The following NIM1K variants were observed in gnomAD, a reference collection of about 807,000 sequenced individuals.
NIM1K encodes serine/threonine-protein kinase NIM1.
In NIM1K, 35 loss-of-function variants were observed where a neutral mutation model predicts 37.1. That is an observed-to-expected ratio of 0.94 (90% CI 0.72 to 1.25). The LOEUF (loss-of-function observed/expected upper bound fraction) is 1.25. Among genes scored for constraint, NIM1K ranks in the 50% most tolerant of loss-of-function variants. The pLI is 0.00. For synonymous variants in NIM1K, 234 were observed against 206.6 expected (o/e 1.13, Z -1.14); for missense variants, 564 against 548.0 (o/e 1.03, Z -0.29).
In NIM1K at chr5:43,210,297, G is replaced by C. The variant is rs185640535; in HGVS notation, c.-695+17886G>C. On this transcript the variant is annotated intron_variant, in intron 1 of 3. Coordinates refer to ENST00000326035, the MANE Select transcript of NIM1K (RefSeq NM_153361.4). ...AGAAAAGGAATAAAATTAATCTCTT[G>C]TAAAACAAGAATTTAAAACAAATTT... is the stretch of plus-strand genomic sequence containing the variant. 3.4e-3 allele frequency among the ~76,000 whole-genome samples: 524 copies of C among 152,274 alleles called. 7 individuals are homozygous for C. The highest frequency in any genetic ancestry group is 0.012 in the African/African-American group (495 of 41,558).
Position 43,238,039 on chromosome 5 carries a change from A to ATTT in NIM1K, c.-694-7024_-694-7022dup, listed in dbSNP as rs71608701. 3.6e-3 allele frequency among the ~76,000 whole-genome samples: 430 copies of ATTT among 120,624 alleles called. 5 individuals carry two copies. The highest frequency in any genetic ancestry group is 9.8e-3 in the Middle Eastern group (2 of 204). 79.1% of individuals were successfully genotyped at this position (120,624 alleles called of 152,430 possible). A position where few individuals can be genotyped will look rare whatever the true frequency, so the allele number is the denominator to read the frequency against. On this transcript the variant is annotated intron_variant, in intron 1 of 3. Coordinates refer to ENST00000326035, the MANE Select transcript of NIM1K (RefSeq NM_153361.4). ...TTTTCTTTCACAATTCTTCAATTTA[A>ATTT]TTTTTTTTTTTTTTTTTTTTTGAGA...
chr5:43,208,915 G>A (rs78363585), intron 1 of NIM1K, among the ~76,000 whole-genome samples: 3,503 of 152,274 alleles, frequency 0.023, 140 homozygotes, highest in East Asian at 0.16. Flanking sequence ...CTAGGGAAGT[G>A]TAAACATAAA....
intron 1 of NIM1K, among the ~76,000 whole-genome samples, chr5:43,222,080 T>A (rs1752388205): frequency 6.6e-6 from 1 of 152,218 alleles, no homozygotes; most frequent in Non-Finnish European, 1.5e-5. Flanking sequence ...GCTCACTCAG[T>A]GTCTATTATG....
intron 1 of NIM1K, among the ~76,000 whole-genome samples, chr5:43,218,752 T>C (rs1668501087): frequency 6.6e-6 from 1 of 150,390 alleles, no homozygotes; most frequent in Non-Finnish European, 1.5e-5. Context: ...AGTCTCATTC[T>C]GTCTCCCAGG....
intron 1 of NIM1K, among the ~76,000 whole-genome samples, chr5:43,205,902 C>T (rs1245624898): frequency 2.0e-5 from 3 of 151,894 alleles, no homozygotes; most frequent in South Asian, 2.1e-4. Context: ...TTAGTAGAGA[C>T]GGGGTTTTAC....
chr5:43,212,669 C>T (rs1752221427), intron 1 of NIM1K, among the ~76,000 whole-genome samples: 1 of 152,078 alleles, frequency 6.6e-6, no homozygotes, highest in Non-Finnish European at 1.5e-5. Context: ...GGCTCAGTGA[C>T]AAAAGCAGAA....
chr5:43,273,051 C>A (rs183644756), intron 2 of NIM1K, among the ~76,000 whole-genome samples: 1 of 152,218 alleles, frequency 6.6e-6, no homozygotes, highest in East Asian at 1.9e-4. Context: ...AAAGGGCATG[C>A]TGGCCTCTCC....
chr5:43,243,065 G>GAACACTT (rs1752728064), intron 1 of NIM1K: 1 of 152,272 alleles, frequency 6.6e-6, no homozygotes, highest in African/African-American at 2.4e-5. Context: ...GCCTCCCAAA[G>GAACACTT]TGTTGGGATT....
intron 1 of NIM1K, among the ~76,000 whole-genome samples, chr5:43,227,686 A>G (rs1026534951): frequency 2.0e-5 from 3 of 152,196 alleles, no homozygotes; most frequent in Non-Finnish European, 4.4e-5. Flanking sequence ...AGGGTTTATT[A>G]TGAGTTTTTA....
intron 1 of NIM1K, chr5:43,232,005 C>T: frequency 9.6e-7 from 1 of 1,038,072 alleles, no homozygotes; most frequent in Non-Finnish European, 1.4e-6. Context: ...CCAGGTGAGC[C>T]CAGGCCTCAG....
chr5:43,259,942 A>T (rs1753003037), intron 2 of NIM1K, among the ~76,000 whole-genome samples: 1 of 152,052 alleles, frequency 6.6e-6, no homozygotes, highest in African/African-American at 2.4e-5. Flanking sequence ...CTTTAATCAT[A>T]TTGAGTTGAT....
chr5:43,234,211 C>G (rs955274605), intron 1 of NIM1K, among the ~76,000 whole-genome samples: 1 of 151,832 alleles, frequency 6.6e-6, no homozygotes, highest in Non-Finnish European at 1.5e-5. Flanking sequence ...GACAATACCT[C>G]ACTTTACAGA....
At chr5:43,255,686 T>A (rs1434891928) in intron 2 of NIM1K, among the ~76,000 whole-genome samples, 8 of 142,200 alleles carry the variant, frequency 5.6e-5, no homozygotes, top group South Asian at 2.2e-4. Flanking sequence ...GAGGGGGAGG[T>A]GGCAGTGAGC....
chr5:43,280,186 C>A lies in NIM1K; in HGVS notation c.768C>A (p.Ala256=). The A allele has an allele frequency of 1.9e-6, 3 of 1,614,122 alleles. No individual in the cohort carries two copies. Among genetic ancestry groups the A allele is most frequent in the Non-Finnish European group, 2.5e-6 (3 of 1,180,014 alleles). Residue 256 remains alanine, a synonymous_variant, in exon 4 of 4, where the codon GCC becomes GCA. Coordinates refer to ENST00000326035, the MANE Select transcript of NIM1K (RefSeq NM_153361.4). ...HYIGIYVDIW[A]LGVLLYFMVT... ...TCGGCATTTACGTGGATATCTGGGC[C>A]TTGGGGGTGCTTTTGTACTTCATGG...
intron 1 of NIM1K, among the ~76,000 whole-genome samples, chr5:43,214,822 A>AC (rs1306650461): frequency 1.4e-5 from 2 of 146,508 alleles, no homozygotes; most frequent in African/African-American, 5.0e-5. Context: ...TCAAAAAAAA[A>AC]AAAAAAAAAC....
chr5:43,206,530 G>C (rs1000184335), intron 1 of NIM1K, among the ~76,000 whole-genome samples: 3 of 151,772 alleles, frequency 2.0e-5, no homozygotes, highest in Non-Finnish European at 4.4e-5. Context: ...AATAGGTTGG[G>C]GGAGAAAAAA....
At chr5:43,220,341 G>A (rs1169779698) in intron 1 of NIM1K, among the ~76,000 whole-genome samples, 9 of 144,782 alleles carry the variant, frequency 6.2e-5, no homozygotes, top group African/African-American at 1.8e-4. Context: ...GCTATAGTGC[G>A]GTGGCACCAT....
intron 1 of NIM1K, chr5:43,194,880 A>C (rs1190997348): frequency 6.6e-6 from 1 of 152,190 alleles, no homozygotes; most frequent in Non-Finnish European, 1.5e-5. Flanking sequence ...CTACAGGTGC[A>C]TGACAGACTT....
chr5:43,276,890 G>A (rs894237285), intron 2 of NIM1K, among the ~76,000 whole-genome samples, 167 bp from the exon 3 acceptor site: 3 of 152,288 alleles, frequency 2.0e-5, no homozygotes, highest in East Asian at 3.9e-4. Context: ...CAAGGGAAGG[G>A]CACTGATGCT....
Sources: allele counts gnomAD v4.1 joint callset (sites outside exome capture counted in the v4.1 genomes callset), GRCh38; gene constraint gnomAD v4.1.1; transcripts MANE v1.5; gene names NCBI Gene and HGNC (gene_info 2026-07-23, HGNC 2026-07-21).